The following GPR39 variants were observed in gnomAD, a reference collection of about 807,000 sequenced individuals.
The protein encoded by GPR39 is zinc sensing receptor.
Under a neutral mutation model 18.4 loss-of-function variants are expected in GPR39, and 23 were observed. That is an observed-to-expected ratio of 1.25 (90% CI 0.90 to 1.77). The LOEUF is 1.77. GPR39 is among the 40% of genes most tolerant of loss of function. GPR39 has a pLI of 0.00. For missense variants in GPR39, 647 were observed against 602.4 expected (o/e 1.07, Z -0.78); for synonymous variants, 280 against 257.9 (o/e 1.09, Z -0.82).
chr2:132,631,533 C>T (rs945960482), intron 1 of GPR39, among the ~76,000 whole-genome samples: 13 of 152,190 alleles, frequency 8.5e-5, no homozygotes, highest in African/African-American at 3.1e-4. Flanking sequence ...AGACCCTCAG[C>T]TCTAATTCAA....
rs150135352 is a variant in GPR39, at chr2:132,645,553, G to A, written c.1309G>A (p.Ala437Thr). The A allele has an allele frequency of 5.0e-6, 8 of 1,613,958 alleles. No individual in the cohort carries two copies. Among genetic ancestry groups the A allele is most frequent in the African/African-American group, 1.3e-5 (1 of 74,930 alleles). The part of the protein sequence containing the change: ...SLESLEPNSG[A>T]KPANSAAENG... Reference sequence around the variant, plus strand: ...CGAGTCACTAGAGCCCAACTCAGGCGCGAAACCAGCCAATTCTGCTGCAGA... The same window carrying A: ...CGAGTCACTAGAGCCCAACTCAGGCACGAAACCAGCCAATTCTGCTGCAGA... The change falls in exon 2 of 2, where the codon GCG becomes ACG. Residue 437 changes from alanine to threonine, a missense_variant. Physicochemically the swap from Ala to Thr is moderately conservative, Grantham distance 58. Coordinates refer to ENST00000329321, the MANE Select transcript of GPR39 (RefSeq NM_001508.3).
At position 132,539,106 on chromosome 2, in the gene GPR39, G is replaced by A. The variant is rs150591893; in HGVS notation, c.857-105995G>A. 4.9e-3 allele frequency among the ~76,000 whole-genome samples: 742 copies of A among 152,250 alleles called. 16 individuals are homozygous for A. Among genetic ancestry groups the A allele is most frequent in the Middle Eastern group, 3.4e-3 (1 of 294 alleles). Reference sequence around the variant, plus strand: ...TCTCACGGGAGTTCCAGGCACTGCCGGAGTATGAAAGACTTCTGCAGCTCA... The same window carrying A: ...TCTCACGGGAGTTCCAGGCACTGCCAGAGTATGAAAGACTTCTGCAGCTCA... On this transcript the variant is annotated intron_variant, in intron 1 of 1. Coordinates refer to ENST00000329321, the MANE Select transcript of GPR39 (RefSeq NM_001508.3).
At chr2:132,439,087 C>T (rs1379329248) in intron 1 of GPR39, among the ~76,000 whole-genome samples, 4 of 152,158 alleles carry the variant, frequency 2.6e-5, no homozygotes, top group Non-Finnish European at 5.9e-5. Flanking sequence ...ACATAAATAG[C>T]TTGGGAGGCC....
In GPR39 at chr2:132,493,148, TCCATATATATA is replaced by T. The variant is rs1212913954; in HGVS notation, c.856+75260_856+75270del. On this transcript the variant is annotated intron_variant, in intron 1 of 1. Coordinates refer to ENST00000329321, the MANE Select transcript of GPR39 (RefSeq NM_001508.3). ...CCATATATATACCATATATATACAT[TCCATATATATA>T]CCATATATACACCATATATACACCA... is the stretch of plus-strand genomic sequence containing the variant. Among the ~76,000 whole-genome samples the T allele has an allele frequency of 5.1e-5, 7 of 138,434 alleles. No homozygotes were observed. The South Asian group carries it at 9.1e-4, about 18-fold the overall frequency. The allele number at this position is 138,434 out of a possible 152,430, so 90.8% of individuals were successfully genotyped here. A position where few individuals can be genotyped will look rare whatever the true frequency, so the allele number is the denominator to read the frequency against.
intron 1 of GPR39, among the ~76,000 whole-genome samples, chr2:132,460,637 A>G (rs1235251425): frequency 1.3e-5 from 2 of 152,214 alleles, no homozygotes; most frequent in Admixed American, 6.5e-5. Flanking sequence ...AAAAGGTGGC[A>G]GAGGTTAATT....
chr2:132,529,066 C>T (rs1336208209), intron 1 of GPR39, among the ~76,000 whole-genome samples: 2 of 152,168 alleles, frequency 1.3e-5, no homozygotes, highest in African/African-American at 2.4e-5. Flanking sequence ...AAGCAGGCCT[C>T]ACCCAGGAAG....
At chr2:132,467,303 G>A (rs768372809) in intron 1 of GPR39, among the ~76,000 whole-genome samples, 2 of 152,140 alleles carry the variant, frequency 1.3e-5, no homozygotes, top group African/African-American at 2.4e-5. Context: ...ATGGACTAAT[G>A]CAAGAACAGA....
At chr2:132,500,361 G>T (rs1203091392) in intron 1 of GPR39, among the ~76,000 whole-genome samples, 1 of 152,102 alleles carries the variant, frequency 6.6e-6, no homozygotes, top group Non-Finnish European at 1.5e-5. Context: ...TTTTAATTCT[G>T]TTTATGTGGT....
At chr2:132,466,632 G>A (rs957210410) in intron 1 of GPR39, among the ~76,000 whole-genome samples, 1 of 152,174 alleles carries the variant, frequency 6.6e-6, no homozygotes, top group African/African-American at 2.4e-5. Context: ...GGACCCTTTT[G>A]AGGAAACTAA....
At chr2:132,631,916 G>C (rs1681656961) in intron 1 of GPR39, among the ~76,000 whole-genome samples, 1 of 151,254 alleles carries the variant, frequency 6.6e-6, no homozygotes, top group Non-Finnish European at 1.5e-5. Context: ...TCTGCCTCCT[G>C]GTTTCAAGCA....
At chr2:132,632,794 G>C (rs1227268692) in intron 1 of GPR39, among the ~76,000 whole-genome samples, 3 of 152,162 alleles carry the variant, frequency 2.0e-5, no homozygotes, top group African/African-American at 7.2e-5. Flanking sequence ...AATTTTAGCT[G>C]AGTATTACCT....
chr2:132,500,328 G>T (rs4440019), intron 1 of GPR39, among the ~76,000 whole-genome samples: 12 of 152,104 alleles, frequency 7.9e-5, no homozygotes, highest in South Asian at 2.1e-4. Context: ...TTTTCTGTAT[G>T]GAGATGATCA....
At chr2:132,535,727 C>CTGCCTCAAT (rs1679744343) in intron 1 of GPR39, among the ~76,000 whole-genome samples, 1 of 108,626 alleles carries the variant, frequency 9.2e-6, no homozygotes, top group African/African-American at 3.5e-5. Flanking sequence ...CTATTAATTA[C>CTGCCTCAAT]TGCCTCAATT....
intron 1 of GPR39, among the ~76,000 whole-genome samples, chr2:132,448,874 C>G (rs923679295): frequency 1.3e-5 from 2 of 152,170 alleles, no homozygotes; most frequent in Non-Finnish European, 2.9e-5. Context: ...CCCCTTCTGT[C>G]CAGACACTGC....
In GPR39 at chr2:132,598,254, G is replaced by A. The variant is rs185315946; in HGVS notation, c.857-46847G>A. The stretch of plus-strand genomic sequence containing the variant: ...GCTGCTACATACAGATTGGTTTAAA[G>A]CCTCTTACTTAAGAACTTTATTTCC... On this transcript the variant is annotated intron_variant, in intron 1 of 1. Transcript: ENST00000329321. 4.3e-3 allele frequency among the ~76,000 whole-genome samples: 656 copies of A among 152,226 alleles called. 5 individuals are homozygous for A. The highest frequency in any genetic ancestry group is 7.3e-3 in the Non-Finnish European group (495 of 68,026).
In GPR39 at chr2:132,646,306, A is replaced by T; in HGVS notation, c.*700A>T. On this transcript the variant is annotated 3_prime_UTR_variant, in exon 2 of 2. Transcript: ENST00000329321. ...CTGTAACACAGACCCAAAGGAGCTGAGTTAACGTGCACCGGCAAAAGAATA... is the reference window on the plus strand; with the variant it reads ...CTGTAACACAGACCCAAAGGAGCTGTGTTAACGTGCACCGGCAAAAGAATA... The T allele has an allele frequency of 7.1e-7, 1 of 1,402,336 alleles. No individual in the cohort carries two copies. Among genetic ancestry groups the T allele is most frequent in the East Asian group, 2.6e-5 (1 of 38,014 alleles). The allele number at this position is 1,402,336 out of a possible 1,614,324, so 86.9% of individuals were successfully genotyped here.
chr2:132,613,254 G>T (rs752991501), intron 1 of GPR39, among the ~76,000 whole-genome samples: 1 of 152,088 alleles, frequency 6.6e-6, no homozygotes, highest in Non-Finnish European at 1.5e-5. Context: ...CTGTGCTCTA[G>T]CTCTGTCGCA....
chr2:132,561,219 A>G (rs560261970), intron 1 of GPR39, among the ~76,000 whole-genome samples: 2 of 152,228 alleles, frequency 1.3e-5, no homozygotes, highest in Admixed American at 1.3e-4. Context: ...CACCTGGCCC[A>G]GTGCCTCACA....
At chr2:132,537,960 A>C (rs560169275) in intron 1 of GPR39, among the ~76,000 whole-genome samples, 1 of 151,888 alleles carries the variant, frequency 6.6e-6, no homozygotes, top group Non-Finnish European at 1.5e-5. Context: ...CTTTTATTAA[A>C]ATTCTTAGCT....
Sources: allele counts gnomAD v4.1 joint callset (sites outside exome capture counted in the v4.1 genomes callset), GRCh38; gene constraint gnomAD v4.1.1; transcripts MANE v1.5; gene names NCBI Gene and HGNC (gene_info 2026-07-23, HGNC 2026-07-21).